Variants in GADL1 observed in about 807,000 individuals in gnomAD.
The protein encoded by GADL1 is GAD like acidic amino acid decarboxylase 1.
A neutral mutation model predicts 69.5 loss-of-function variants in GADL1; 71 were observed. That is an observed-to-expected ratio of 1.02 (90% CI 0.84 to 1.25). The LOEUF is 1.25. Ranked by LOEUF, GADL1 falls within the 50% of genes most tolerant of loss-of-function variation. GADL1 has a pLI of 0.00. For synonymous variants in GADL1, 254 were observed against 214.4 expected (o/e 1.18, Z -1.62); for missense variants, 737 against 631.8 (o/e 1.17, Z -1.79).
At chr3:30,783,554 C>T (rs1696720381) in intron 13 of GADL1, among the ~76,000 whole-genome samples, 1 of 152,120 alleles carries the variant, frequency 6.6e-6, no homozygotes, top group Non-Finnish European at 1.5e-5. Flanking sequence ...TGTACATATA[C>T]ATATATAGAC....
intron 14 of GADL1, among the ~76,000 whole-genome samples, chr3:30,775,359 C>T (rs1174370608): frequency 6.6e-6 from 1 of 152,196 alleles, no homozygotes; most frequent in African/African-American, 2.4e-5. Context: ...AAGATAAACC[C>T]TGAAATAAAT....
chr3:30,844,019 G>C (rs1044907075), intron 8 of GADL1, among the ~76,000 whole-genome samples, 191 bp downstream of exon 8: 2 of 152,212 alleles, frequency 1.3e-5, no homozygotes, highest in Non-Finnish European at 2.9e-5. Flanking sequence ...GGAGAGCCAA[G>C]CACTTGGAAA....
chr3:30,834,234 A>G lies in GADL1; in HGVS notation c.951T>C (p.Leu317=). 6.2e-7 allele frequency: 1 copy of G among 1,612,888 alleles called. No individual in the cohort carries two copies. The highest frequency in any genetic ancestry group is 8.5e-7 in the Non-Finnish European group (1 of 1,179,212). ...ACATTTACCTGTGGATGCCATGCAG[A>G]AGCTTGCGGTGCTTCCTCGACATCA... ...SALMSRKHRK[L]LHGIHRADSV... is the part of the protein sequence containing the mutation. Residue 317 remains leucine, a synonymous_variant, in exon 10 of 15, where the codon CTT becomes CTC. Coordinates refer to ENST00000282538, the MANE Select transcript of GADL1 (RefSeq NM_207359.3).
In GADL1 at chr3:30,738,969, C is replaced by G. The variant is rs992232331; in HGVS notation, c.1393-10554G>C. ...GGGAAATTAGCAGCTACAATTTTCT[C>G]TTTTGATTTATTCCACTCTAACAAG... On this transcript the variant is annotated intron_variant, in intron 14 of 14. Coordinates refer to ENST00000282538, the MANE Select transcript of GADL1 (RefSeq NM_207359.3). 8.3e-4 allele frequency among the ~76,000 whole-genome samples: 126 copies of G among 152,150 alleles called. 1 individual carries two copies. The highest frequency in any genetic ancestry group is 2.9e-3 in the African/African-American group (119 of 41,448).
chr3:30,862,054 CA>C (rs1472407708), intron 1 of GADL1, among the ~76,000 whole-genome samples: 2 of 151,872 alleles, frequency 1.3e-5, no homozygotes, highest in Non-Finnish European at 2.9e-5. Context: ...CCTCCTAATT[CA>C]GTGCAATTTC....
At chr3:30,779,412 C>T (rs974543542) in intron 13 of GADL1, among the ~76,000 whole-genome samples, 2 of 152,192 alleles carry the variant, frequency 1.3e-5, no homozygotes, top group African/African-American at 4.8e-5. Context: ...CAAAGCATTT[C>T]ATCAAGAGGA....
At chr3:30,878,214 A>G (rs1698602016) in intron 1 of GADL1, among the ~76,000 whole-genome samples, 1 of 151,938 alleles carries the variant, frequency 6.6e-6, no homozygotes, top group East Asian at 1.9e-4. Flanking sequence ...TGTCACTCTA[A>G]CAATGATTCT....
chr3:30,824,511 GCAAA>G, intron 11 of GADL1, among the ~76,000 whole-genome samples: 1 of 83,814 alleles, frequency 1.2e-5, no homozygotes, highest in East Asian at 4.2e-4. Flanking sequence ...AATACTCATA[GCAAA>G]TTTTTATAAA....
intron 12 of GADL1, among the ~76,000 whole-genome samples, chr3:30,792,903 A>C (rs1696952723): frequency 6.6e-6 from 1 of 152,166 alleles, no homozygotes; most frequent in Non-Finnish European, 1.5e-5. Flanking sequence ...GACTAAACCA[A>C]TGTTCCCAGA....
chr3:30,800,847 ACACAGAAAG>A, intron 12 of GADL1, 33 bp downstream of exon 12: 1 of 1,269,750 alleles, frequency 7.9e-7, no homozygotes, highest in African/African-American at 2.0e-5. Context: ...ACACACACAC[ACACAGAAAG>A]AGAGAGAGAG....
intron 11 of GADL1, among the ~76,000 whole-genome samples, chr3:30,822,229 C>T (rs757935062): frequency 2.0e-5 from 3 of 152,010 alleles, no homozygotes; most frequent in Non-Finnish European, 4.4e-5. Flanking sequence ...GGTTTAGCTT[C>T]CCATGTTTCT....
At chr3:30,757,113 CAGT>C (rs1180070503) in intron 14 of GADL1, among the ~76,000 whole-genome samples, 1 of 152,118 alleles carries the variant, frequency 6.6e-6, no homozygotes, top group Admixed American at 6.6e-5. Flanking sequence ...CTTCTGATCT[CAGT>C]AGAAAGACTG....
rs552434864 is a variant in GADL1 at position 30,830,869 on chromosome 3, A to G, written c.1050+2984T>C. 6.6e-5 allele frequency among the ~76,000 whole-genome samples: 10 copies of G among 152,098 alleles called. No individual in the cohort carries two copies. The East Asian group carries it at 1.8e-3, about 27-fold the overall frequency. On this transcript the variant is annotated intron_variant, in intron 11 of 14. Coordinates refer to ENST00000282538, the MANE Select transcript of GADL1 (RefSeq NM_207359.3). ...TCAACTCTTTCCTCCAGTGATCTTC[A>G]TCTTCCTAAATGGAATCATTCGTTC...
intron 14 of GADL1, among the ~76,000 whole-genome samples, chr3:30,766,242 A>T: frequency 6.6e-6 from 1 of 152,200 alleles, no homozygotes. Context: ...GGCATCAGGG[A>T]TGAAAGCAGA....
At chr3:30,804,634 A>T (rs1697221731) in intron 11 of GADL1, among the ~76,000 whole-genome samples, 1 of 151,990 alleles carries the variant, frequency 6.6e-6, no homozygotes, top group Non-Finnish European at 1.5e-5. Context: ...GTATCCTTTT[A>T]TTTCTAATGT....
chr3:30,811,771 T>C (rs536286552), intron 11 of GADL1, among the ~76,000 whole-genome samples: 113 of 152,250 alleles, frequency 7.4e-4, no homozygotes, highest in Non-Finnish European at 1.3e-3. Flanking sequence ...ACAGTGATTG[T>C]TAACCCTGGA....
chr3:30,787,034 T>C (rs529275577), intron 12 of GADL1, among the ~76,000 whole-genome samples: 2 of 152,058 alleles, frequency 1.3e-5, no homozygotes, highest in East Asian at 3.9e-4. Context: ...CAACACACAC[T>C]AGGGCCTGTC....
At chr3:30,866,689 G>A (rs376070662) in intron 1 of GADL1, among the ~76,000 whole-genome samples, 1 of 151,988 alleles carries the variant, frequency 6.6e-6, no homozygotes, top group Admixed American at 6.6e-5. Context: ...TGTTCAGAAC[G>A]CAAGATGGTA....
chr3:30,789,651 T>C (rs1168588465), intron 12 of GADL1, among the ~76,000 whole-genome samples: 1 of 152,190 alleles, frequency 6.6e-6, no homozygotes, highest in Non-Finnish European at 1.5e-5. Flanking sequence ...TGTAGCCACA[T>C]TCTTCAGTGA....
Sources: allele counts gnomAD v4.1 joint callset (sites outside exome capture counted in the v4.1 genomes callset), GRCh38; gene constraint gnomAD v4.1.1; transcripts MANE v1.5; gene names NCBI Gene and HGNC (gene_info 2026-07-23, HGNC 2026-07-21).